Variants in CNOT6 observed in about 807,000 individuals in gnomAD.
CNOT6 encodes carbon catabolite repression 4 protein.
Under a neutral mutation model 61.2 loss-of-function variants are expected in CNOT6, and 12 were observed. The observed-to-expected ratio is 0.20, with a 90% confidence interval of 0.13 to 0.32. The LOEUF (loss-of-function observed/expected upper bound fraction) is 0.32. CNOT6 is among the 10% of genes least tolerant of loss of function. The pLI, the probability that CNOT6 is intolerant of heterozygous loss-of-function variation, is 1.00. For missense variants in CNOT6, 405 were observed against 663.9 expected (o/e 0.61, Z 4.28); for synonymous variants, 225 against 240.6 (o/e 0.94, Z 0.60).
Position 180,566,295 on chromosome 5 carries a change from T to C in CNOT6, c.717+318T>C, listed in dbSNP as rs577232267. Among the ~76,000 whole-genome samples, 45 of 152,346 alleles carry C rather than the reference T, an allele frequency of 3.0e-4. 1 individual carries two copies. In the South Asian group the frequency reaches 3.7e-3, roughly 13 times the overall value. ...ATTCTAGCGTGGTCAAGCTATAACT[T>C]GCATTGCCGACCATGTTGCTAGAAC... is the stretch of plus-strand genomic sequence containing the variant. On this transcript the variant is annotated intron_variant, in intron 7 of 11. Transcript: ENST00000261951.
At chr5:180,543,355 G>A (rs185004171) in intron 2 of CNOT6, among the ~76,000 whole-genome samples, 5 of 152,202 alleles carry the variant, frequency 3.3e-5, no homozygotes, top group South Asian at 2.1e-4. Flanking sequence ...CAGTGCACCC[G>A]GCCTGCACTC....
chr5:180,553,574 T>C, intron 4 of CNOT6, 103 bp downstream of exon 4: 1 of 777,872 alleles, frequency 1.3e-6, no homozygotes, highest in Non-Finnish European at 2.1e-6. Flanking sequence ...AGACTCATTT[T>C]CCCCCAGACT....
intron 4 of CNOT6, among the ~76,000 whole-genome samples, chr5:180,559,938 A>C (rs1581558997): frequency 6.7e-6 from 1 of 150,296 alleles, no homozygotes; most frequent in Non-Finnish European, 1.5e-5. Context: ...TTAGAATCAC[A>C]TTAGTTTTAT....
chr5:180,547,836 C>T (rs1394883203), intron 2 of CNOT6, among the ~76,000 whole-genome samples: 10 of 152,050 alleles, frequency 6.6e-5, no homozygotes, highest in African/African-American at 1.9e-4. Flanking sequence ...CGGGTTCAAG[C>T]GGTTCTCCTG....
chr5:180,531,889 C>A (rs555725360), intron 2 of CNOT6, among the ~76,000 whole-genome samples: 44 of 152,318 alleles, frequency 2.9e-4, no homozygotes, highest in Non-Finnish European at 5.4e-4. Flanking sequence ...CAGGCTGAGG[C>A]AGGAGAATCA....
rs4293872 is a variant in CNOT6 at position 180,573,188 on chromosome 5, T to A, written c.1462-800T>A. ...AAGAAGACACTTGAATGTGCTTCAG[T>A]ACATTTGGCCAAGAGCATGTAGAGG... On this transcript the variant is annotated intron_variant, in intron 11 of 11. Coordinates refer to ENST00000261951, the MANE Select transcript of CNOT6 (RefSeq NM_001370472.1). Among the ~76,000 whole-genome samples, 1,034 of 152,300 alleles carry A rather than the reference T, an allele frequency of 6.8e-3. 31 individuals carry two copies. In the East Asian group the frequency reaches 0.11, roughly 16 times the overall value.
In CNOT6 at chr5:180,574,296, C is replaced by A; in HGVS notation, c.*96C>A. On this transcript the variant is annotated 3_prime_UTR_variant, in exon 12 of 12. Coordinates refer to ENST00000261951, the MANE Select transcript of CNOT6 (RefSeq NM_001370472.1). ...TATGGCCACTGAGGATTTTTGCTTG[C>A]TTAAGAATGATTTGGACTTTCAATC... is the stretch of plus-strand genomic sequence containing the variant. The A allele has an allele frequency of 2.0e-6, 2 of 1,008,134 alleles. No individual in the cohort carries two copies. Among genetic ancestry groups the A allele is most frequent in the Non-Finnish European group, 3.1e-6 (2 of 649,168 alleles). 62.4% of individuals were successfully genotyped at this position (1,008,134 alleles called of 1,614,324 possible). A position where few individuals can be genotyped will look rare whatever the true frequency, so the allele number is the denominator to read the frequency against.
intron 1 of CNOT6, among the ~76,000 whole-genome samples, chr5:180,526,950 TCTTACTGCAG>T (rs1213257510): frequency 1.3e-4 from 19 of 151,212 alleles, no homozygotes; most frequent in Admixed American, 8.6e-4. Flanking sequence ...CACAGTCACA[TCTTACTGCAG>T]CCTCAACCTC....
chr5:180,555,248 T>C (rs1425197991), intron 4 of CNOT6, among the ~76,000 whole-genome samples: 1 of 152,134 alleles, frequency 6.6e-6, no homozygotes, highest in Non-Finnish European at 1.5e-5. Context: ...CTCAAGTCAT[T>C]TGCCCTCCTT....
intron 2 of CNOT6, among the ~76,000 whole-genome samples, chr5:180,536,116 C>G (rs577025270): frequency 6.7e-6 from 1 of 149,648 alleles, no homozygotes; most frequent in Non-Finnish European, 1.5e-5. Flanking sequence ...CTGCCTCAGC[C>G]TCCTGAGTAG....
chr5:180,512,466 G>T (rs1331150738), intron 1 of CNOT6, among the ~76,000 whole-genome samples: 1 of 152,206 alleles, frequency 6.6e-6, no homozygotes, highest in African/African-American at 2.4e-5. Flanking sequence ...TCTCAACTGC[G>T]GAGTTTGAAT....
At chr5:180,572,069 A>T (rs1022140761) in intron 11 of CNOT6, among the ~76,000 whole-genome samples, 10 of 152,204 alleles carry the variant, frequency 6.6e-5, no homozygotes, top group African/African-American at 2.4e-4. Flanking sequence ...CACCATAATT[A>T]TCTAGTTTGA....
chr5:180,549,850 A>C (rs189009748), intron 2 of CNOT6, 81 bp from the exon 3 acceptor site: 1 of 1,072,672 alleles, frequency 9.3e-7, no homozygotes, highest in African/African-American at 1.6e-5. Flanking sequence ...ACTCATAAAA[A>C]CATCTAAATC....
At chr5:180,515,262 A>T (rs2127707254) in intron 1 of CNOT6, among the ~76,000 whole-genome samples, 1 of 152,150 alleles carries the variant, frequency 6.6e-6, no homozygotes, top group South Asian at 2.1e-4. Flanking sequence ...TCTACAAAAA[A>T]AAAAAGAAAG....
rs529297198 is a variant in CNOT6, at chr5:180,541,624, T to G, written c.113-8307T>G. ...CCTGCCATCACGCCTGGCTAATTTT[T>G]TGTATTTTTAGTGAAGACGGGGTTT... On this transcript the variant is annotated intron_variant, in intron 2 of 11. Coordinates refer to ENST00000261951, the MANE Select transcript of CNOT6 (RefSeq NM_001370472.1). Among the ~76,000 whole-genome samples, 112 of 151,286 alleles carry G rather than the reference T, an allele frequency of 7.4e-4. No homozygotes were observed. In the South Asian group the frequency reaches 8.4e-3, roughly 11 times the overall value.
chr5:180,512,926 T>A (rs143175853), intron 1 of CNOT6, among the ~76,000 whole-genome samples: 2,226 of 151,708 alleles, frequency 0.015, 48 homozygotes, highest in African/African-American at 0.051. Context: ...GATGGAGTCT[T>A]GCTCTGTCGC....
chr5:180,514,872 GA>G (rs143458941), intron 1 of CNOT6, among the ~76,000 whole-genome samples: 1 of 151,946 alleles, frequency 6.6e-6, no homozygotes, highest in Non-Finnish European at 1.5e-5. Context: ...TGGTTGTGAA[GA>G]AAAAAATAGA....
chr5:180,566,503 G>A (rs1283874313), intron 7 of CNOT6, among the ~76,000 whole-genome samples: 1 of 152,060 alleles, frequency 6.6e-6, no homozygotes, highest in East Asian at 1.9e-4. Context: ...AAGACATAAG[G>A]AAATACACAT....
intron 11 of CNOT6, among the ~76,000 whole-genome samples, chr5:180,573,544 A>AG (rs1760859245): frequency 7.6e-6 from 1 of 130,854 alleles, no homozygotes; most frequent in Non-Finnish European, 1.6e-5. Flanking sequence ...AGAATGGTGG[A>AG]GGGGGGCAGT....
Sources: gnomAD v4.1 joint callset for allele counts (sites outside exome capture counted in the v4.1 genomes callset) on GRCh38, gnomAD v4.1.1 for gene constraint, MANE v1.5 for transcripts, NCBI Gene and HGNC (gene_info 2026-07-23, HGNC 2026-07-21) for gene names.